The following KCNIP4 variants were observed in gnomAD, a reference collection of about 807,000 sequenced individuals.
KCNIP4 encodes the protein potassium voltage-gated channel interacting protein 4.
KCNIP4 carries 12 observed loss-of-function variants against 34.0 expected under a neutral mutation model. The ratio of observed to expected loss-of-function variants is 0.35; its 90% confidence interval spans 0.23 to 0.57. The LOEUF is 0.57. Ranked by LOEUF, KCNIP4 falls within the 20% of genes least tolerant of loss-of-function variation. KCNIP4 has a pLI of 0.83. For missense variants in KCNIP4, 238 were observed against 311.7 expected (o/e 0.76, Z 1.78); for synonymous variants, 124 against 102.2 (o/e 1.21, Z -1.29).
At chr4:21,499,296 A>C (rs994264675) in intron 1 of KCNIP4, among the ~76,000 whole-genome samples, 2 of 148,934 alleles carry the variant, frequency 1.3e-5, no homozygotes, top group African/African-American at 5.0e-5. Context: ...ATGTCACTGC[A>C]CTCCAGTCTG....
chr4:21,697,316 T>TAAAAAAAAA (rs537856921), intron 1 of KCNIP4: 9 of 1,227,188 alleles, frequency 7.3e-6, no homozygotes, highest in Middle Eastern at 2.5e-4. Context: ...TAGCCTCTAC[T>TAAAAAAAAA]AAAAAAAAAA....
intron 1 of KCNIP4, among the ~76,000 whole-genome samples, chr4:21,493,374 A>G (rs73801934): frequency 0.013 from 1,938 of 151,550 alleles, 49 homozygotes; most frequent in African/African-American, 0.045. Flanking sequence ...AGCTGCATCA[A>G]GTGCAAGGAA....
chr4:21,464,392 T>C (rs142493984), intron 1 of KCNIP4, among the ~76,000 whole-genome samples: 20 of 152,154 alleles, frequency 1.3e-4, no homozygotes, highest in African/African-American at 4.6e-4. Context: ...TCGTATGTTT[T>C]ATCTTCATTT....
At chr4:21,656,316 C>A (rs1351056872) in intron 1 of KCNIP4, among the ~76,000 whole-genome samples, 1 of 152,120 alleles carries the variant, frequency 6.6e-6, no homozygotes. Flanking sequence ...GGATTAAGGG[C>A]CCATATTTCT....
At chr4:21,817,662 G>A (rs796189762) in intron 1 of KCNIP4, among the ~76,000 whole-genome samples, 8 of 152,126 alleles carry the variant, frequency 5.3e-5, no homozygotes, top group African/African-American at 1.2e-4. Context: ...GTCTATAAAC[G>A]GCTGCTCTGG....
intron 1 of KCNIP4, among the ~76,000 whole-genome samples, chr4:20,945,856 C>T (rs139206622): frequency 4.5e-4 from 68 of 152,188 alleles, no homozygotes; most frequent in Non-Finnish European, 7.2e-4. Context: ...CAGGAGGACA[C>T]GTAACAGGTT....
rs557465975 is a variant in KCNIP4, at chr4:21,248,553, G to T, written c.62-365844C>A. On this transcript the variant is annotated intron_variant, in intron 1 of 8. Transcript: ENST00000382152. ...TGCATTTTTTTCAGCCAGGCAGATGGCATGGTAATGGTAGATGTGAACTTA... is the reference window on the plus strand; with the variant it reads ...TGCATTTTTTTCAGCCAGGCAGATGTCATGGTAATGGTAGATGTGAACTTA... Among the ~76,000 whole-genome samples, 10 of 152,172 alleles carry T rather than the reference G, an allele frequency of 6.6e-5. No individual in the cohort carries two copies. The South Asian group carries it at 1.5e-3, about 22-fold the overall frequency.
chr4:21,907,738 C>T (rs2108977119), intron 1 of KCNIP4, among the ~76,000 whole-genome samples: 1 of 152,190 alleles, frequency 6.6e-6, no homozygotes, highest in Admixed American at 6.5e-5. Context: ...ATATTTTTTC[C>T]ATGTGTATGA....
intron 1 of KCNIP4, among the ~76,000 whole-genome samples, chr4:21,765,836 A>AAAAC (rs1560698027): frequency 6.7e-6 from 1 of 149,566 alleles, no homozygotes. Flanking sequence ...AAAAAAAAAA[A>AAAAC]AAACAAACTG....
chr4:20,964,456 A>G lies in KCNIP4; in HGVS notation c.62-81747T>C, dbSNP rs116174819. Reference sequence around the variant, plus strand: ...CACATTCTCTTTAGAGAAGAAGGATATTACTGTGGCAACATTCAAAGAAAG... The same window carrying G: ...CACATTCTCTTTAGAGAAGAAGGATGTTACTGTGGCAACATTCAAAGAAAG... On this transcript the variant is annotated intron_variant, in intron 1 of 8. Transcript: ENST00000382152. Among the ~76,000 whole-genome samples, 506 of 152,318 alleles carry G rather than the reference A, an allele frequency of 3.3e-3. 3 individuals are homozygous for G. Among genetic ancestry groups the G allele is most frequent in the African/African-American group, 0.012 (488 of 41,564 alleles).
At chr4:20,952,185 T>C (rs917780418) in intron 1 of KCNIP4, among the ~76,000 whole-genome samples, 56 of 152,138 alleles carry the variant, frequency 3.7e-4, no homozygotes, top group Non-Finnish European at 2.6e-4. Flanking sequence ...GTACAAGAGA[T>C]TGATATAATA....
At chr4:21,910,878 G>T (rs1362575759) in intron 1 of KCNIP4, among the ~76,000 whole-genome samples, 1 of 152,024 alleles carries the variant, frequency 6.6e-6, no homozygotes, top group Non-Finnish European at 1.5e-5. Flanking sequence ...ATTTTTAAGG[G>T]GCCGAGGCCA....
chr4:21,821,248 A>C (rs1044766940), intron 1 of KCNIP4, among the ~76,000 whole-genome samples: 3 of 152,112 alleles, frequency 2.0e-5, no homozygotes, highest in Non-Finnish European at 4.4e-5. Context: ...CCATGAAGCA[A>C]GAGCTTAAAG....
intron 1 of KCNIP4, among the ~76,000 whole-genome samples, chr4:20,898,468 G>T (rs901200883): frequency 3.3e-5 from 5 of 152,152 alleles, no homozygotes; most frequent in Non-Finnish European, 7.4e-5. Context: ...ATGATATCCA[G>T]ACACTTGGCA....
chr4:21,744,109 G>C (rs565771362), intron 1 of KCNIP4, among the ~76,000 whole-genome samples: 4 of 152,208 alleles, frequency 2.6e-5, no homozygotes, highest in South Asian at 4.2e-4. Context: ...GTTAAGGACT[G>C]GCTTTTCTAA....
At chr4:21,645,847 T>C (rs1746974010) in intron 1 of KCNIP4, among the ~76,000 whole-genome samples, 2 of 151,902 alleles carry the variant, frequency 1.3e-5, no homozygotes, top group Admixed American at 1.3e-4. Flanking sequence ...CACTGGATAC[T>C]AACATAAGAG....
chr4:21,043,293 G>A (rs1340820216), intron 1 of KCNIP4, among the ~76,000 whole-genome samples: 1 of 152,052 alleles, frequency 6.6e-6, no homozygotes, highest in Non-Finnish European at 1.5e-5. Context: ...ACTGATTTAT[G>A]CTTTTTAAGG....
chr4:21,480,305 T>C (rs1449890589), intron 1 of KCNIP4, among the ~76,000 whole-genome samples: 1 of 152,022 alleles, frequency 6.6e-6, no homozygotes, highest in Non-Finnish European at 1.5e-5. Flanking sequence ...CTAACTTTGA[T>C]ACTATAAAAC....
chr4:20,801,159 G>C (rs990141757), intron 3 of KCNIP4, among the ~76,000 whole-genome samples: 1 of 152,032 alleles, frequency 6.6e-6, no homozygotes, highest in Non-Finnish European at 1.5e-5. Context: ...AAACCTTTCA[G>C]CTATGGCTGT....
Sources: gnomAD v4.1 joint callset for allele counts (sites outside exome capture counted in the v4.1 genomes callset) on GRCh38, gnomAD v4.1.1 for gene constraint, MANE v1.5 for transcripts, NCBI Gene and HGNC (gene_info 2026-07-23, HGNC 2026-07-21) for gene names.